Variants in TGFBR2 observed in about 807,000 individuals in gnomAD.
TGFBR2 encodes transforming growth factor beta receptor 2.
TGFBR2 carries 18 observed loss-of-function variants against 49.0 expected under a neutral mutation model. The ratio of observed to expected loss-of-function variants is 0.37; its 90% CI spans 0.25 to 0.54. The LOEUF is 0.54. TGFBR2 is among the 20% of genes least tolerant of loss of function. The pLI, the probability that TGFBR2 is intolerant of heterozygous loss-of-function variation, is 0.85. For missense variants in TGFBR2, 525 were observed against 722.6 expected (o/e 0.73, Z 3.13); for synonymous variants, 282 against 275.9 (o/e 1.02, Z -0.22).
At chr3:30,681,976 C>A (rs941889371) in intron 5 of TGFBR2, among the ~76,000 whole-genome samples, 1 of 152,200 alleles carries the variant, frequency 6.6e-6, no homozygotes, top group South Asian at 2.1e-4. Context: ...AGTATAACTA[C>A]GAGCAGAACA....
chr3:30,688,549 A>C (rs1375635102), intron 6 of TGFBR2, 38 bp downstream of exon 6: 1 of 1,613,640 alleles, frequency 6.2e-7, no homozygotes, highest in Admixed American at 1.7e-5. Flanking sequence ...GTAAGATTCA[A>C]CCAAGTTGCC....
rs1392682105 is a variant in TGFBR2, at chr3:30,693,708, C to T, written c.*2109C>T. 11 of 233,550 alleles carry T rather than the reference C, an allele frequency of 4.7e-5. No individual in the cohort carries two copies. Among genetic ancestry groups the T allele is most frequent in the Non-Finnish European group, 9.3e-5 (11 of 117,978 alleles). The allele number at this position is 233,550 out of a possible 1,614,324, so 14.5% of individuals were successfully genotyped here. A position where few individuals can be genotyped will look rare whatever the true frequency, so the allele number is the denominator to read the frequency against. ...ATCCCAATAGCTGTTGCCCATTGAC[C>T]TCTAGTGGTGAGTTTCTAGAATACT... On this transcript the variant is annotated 3_prime_UTR_variant, in exon 7 of 7. Coordinates refer to ENST00000295754, the MANE Select transcript of TGFBR2 (RefSeq NM_003242.6).
intron 5 of TGFBR2, among the ~76,000 whole-genome samples, chr3:30,681,749 G>A (rs954879962): frequency 2.6e-5 from 4 of 152,196 alleles, no homozygotes; most frequent in African/African-American, 9.7e-5. Context: ...CAGTCTGAGG[G>A]TGAGACAAAG....
intron 6 of TGFBR2, among the ~76,000 whole-genome samples, chr3:30,691,147 T>C (rs1002263737): frequency 2.6e-5 from 4 of 152,190 alleles, no homozygotes; most frequent in African/African-American, 9.6e-5. Flanking sequence ...CAGAGGATCA[T>C]TGTGCTGTCA....
intron 2 of TGFBR2, among the ~76,000 whole-genome samples, chr3:30,648,201 A>G (rs776866893): frequency 3.9e-5 from 6 of 152,196 alleles, no homozygotes; most frequent in Admixed American, 6.5e-5. Context: ...CCAGGTCTCA[A>G]GTATTACAGT....
At chr3:30,682,714 T>C (rs1699560149) in intron 5 of TGFBR2, among the ~76,000 whole-genome samples, 1 of 152,214 alleles carries the variant, frequency 6.6e-6, no homozygotes, top group Admixed American at 6.5e-5. Flanking sequence ...TGTTTGGGTT[T>C]AATGTGGGTA....
At chr3:30,653,361 C>T (rs1233201570) in intron 3 of TGFBR2, among the ~76,000 whole-genome samples, 10 of 147,158 alleles carry the variant, frequency 6.8e-5, no homozygotes, top group African/African-American at 7.5e-5. Context: ...AAGCAATTCT[C>T]CTGCCTCAGC....
chr3:30,684,947 GT>G (rs1442669606), intron 5 of TGFBR2, among the ~76,000 whole-genome samples: 2 of 152,158 alleles, frequency 1.3e-5, no homozygotes, highest in Non-Finnish European at 2.9e-5. Flanking sequence ...ATTGTGTAGT[GT>G]TTGTAACTAG....
At position 30,671,714 on chromosome 3, in the gene TGFBR2, A is replaced by G; in HGVS notation, c.531A>G (p.Gly177=). ...VTGISLLPPL[G]VAISVIIIFY... Reference sequence around the variant, plus strand: ...GCATCAGCCTCCTGCCACCACTGGGAGTTGCCATATCTGTCATCATCATCT... The same window carrying G: ...GCATCAGCCTCCTGCCACCACTGGGGGTTGCCATATCTGTCATCATCATCT... Residue 177 remains glycine, a synonymous_variant, in exon 4 of 7, where the codon GGA becomes GGG. Transcript: ENST00000295754. 1 of 1,614,192 alleles carries G rather than the reference A, an allele frequency of 6.2e-7. No homozygotes were observed. The highest frequency in any genetic ancestry group is 8.5e-7 in the Non-Finnish European group (1 of 1,180,032).
intron 1 of TGFBR2, among the ~76,000 whole-genome samples, chr3:30,623,979 T>A (rs936851041): frequency 1.3e-4 from 20 of 151,806 alleles, no homozygotes; most frequent in African/African-American, 4.8e-4. Flanking sequence ...CTATCTCTAC[T>A]AAAAAATACA....
At chr3:30,620,165 C>T (rs1019997004) in intron 1 of TGFBR2, among the ~76,000 whole-genome samples, 9 of 152,098 alleles carry the variant, frequency 5.9e-5, no homozygotes, top group Admixed American at 3.3e-4. Context: ...CCAGCCTAGG[C>T]GACAGAGTGA....
chr3:30,661,480 C>A (rs894135086), intron 3 of TGFBR2: 2 of 444,182 alleles, frequency 4.5e-6, no homozygotes, highest in African/African-American at 4.0e-5. Context: ...AGAGCAAAGG[C>A]TGAATCAGGG....
Position 30,691,731 on chromosome 3 carries a change from T to G in TGFBR2, c.*132T>G. Reference sequence around the variant, plus strand: ...GGGTCACTCCCCTCCCTGTAAGCTGTGGGGATAAGCAGAAACAACAGCAGC... The same window carrying G: ...GGGTCACTCCCCTCCCTGTAAGCTGGGGGGATAAGCAGAAACAACAGCAGC... On this transcript the variant is annotated 3_prime_UTR_variant, in exon 7 of 7. Coordinates refer to ENST00000295754, the MANE Select transcript of TGFBR2 (RefSeq NM_003242.6). 1.0e-6 allele frequency: 1 copy of G among 984,296 alleles called. No individual in the cohort carries two copies. The highest frequency in any genetic ancestry group is 1.3e-5 in the South Asian group (1 of 75,018). The allele number at this position is 984,296 out of a possible 1,614,324, so 61.0% of individuals were successfully genotyped here. A position where few individuals can be genotyped will look rare whatever the true frequency, so the allele number is the denominator to read the frequency against.
intron 1 of TGFBR2, among the ~76,000 whole-genome samples, chr3:30,632,932 T>A (rs1195187161): frequency 6.6e-6 from 1 of 152,214 alleles, no homozygotes; most frequent in Non-Finnish European, 1.5e-5. Flanking sequence ...TCTCCTAAAA[T>A]AAGTGAAGTA....
At chr3:30,643,137 G>A (rs1385838257) in intron 1 of TGFBR2, among the ~76,000 whole-genome samples, 3 of 152,166 alleles carry the variant, frequency 2.0e-5, no homozygotes, top group Non-Finnish European at 4.4e-5. Flanking sequence ...AAAATTCACA[G>A]GACAGAGAGT....
At chr3:30,640,667 A>C (rs1208205841) in intron 1 of TGFBR2, among the ~76,000 whole-genome samples, 1 of 151,992 alleles carries the variant, frequency 6.6e-6, no homozygotes, top group Non-Finnish European at 1.5e-5. Context: ...TTAAAAAAAT[A>C]TTTTGCATCC....
At chr3:30,624,368 G>A (rs894973311) in intron 1 of TGFBR2, among the ~76,000 whole-genome samples, 1 of 151,952 alleles carries the variant, frequency 6.6e-6, no homozygotes, top group Admixed American at 6.6e-5. Flanking sequence ...CTGTAATCCC[G>A]GATCTTTGGG....
intron 5 of TGFBR2, among the ~76,000 whole-genome samples, chr3:30,687,234 T>C (rs997282750): frequency 1.3e-5 from 2 of 152,204 alleles, no homozygotes; most frequent in African/African-American, 2.4e-5. Flanking sequence ...ATTTTCTTTA[T>C]TGAATATACC....
At position 30,644,744 on chromosome 3, in the gene TGFBR2, C is replaced by T. The variant is rs375330013; in HGVS notation, c.95-3C>T. On this transcript the variant is annotated splice_polypyrimidine_tract_variant and splice_region_variant and intron_variant, in intron 1 of 6. Transcript: ENST00000295754. ...CATTTAATATATCTTTCTCTCTCCT[C>T]AGTTAATAACGACATGATAGTCACT... The T allele has an allele frequency of 6.2e-7, 1 of 1,613,956 alleles. No individual in the cohort carries two copies. Among genetic ancestry groups the T allele is most frequent in the Non-Finnish European group, 8.5e-7 (1 of 1,179,874 alleles).
Sources: gnomAD v4.1 joint callset for allele counts (sites outside exome capture counted in the v4.1 genomes callset) on GRCh38, gnomAD v4.1.1 for gene constraint, MANE v1.5 for transcripts, NCBI Gene and HGNC (gene_info 2026-07-23, HGNC 2026-07-21) for gene names.